Variants in KCNIP4 observed in about 807,000 individuals in gnomAD.
KCNIP4 encodes the protein Kv channel-interacting protein 4.
KCNIP4 carries 12 observed loss-of-function variants against 34.0 expected under a neutral mutation model. The ratio of observed to expected loss-of-function variants is 0.35; its 90% CI spans 0.23 to 0.57. The LOEUF (loss-of-function observed/expected upper bound fraction) is 0.57, where lower values mean the gene tolerates loss of function less well. Ranked by LOEUF, KCNIP4 falls within the 20% of genes least tolerant of loss-of-function variation. KCNIP4 has a pLI of 0.83. For synonymous variants in KCNIP4, 124 were observed against 102.2 expected (o/e 1.21, Z -1.29); for missense variants, 238 against 311.7 (o/e 0.76, Z 1.78).
At chr4:21,446,893 T>C (rs1358031088) in intron 1 of KCNIP4, among the ~76,000 whole-genome samples, 2 of 152,142 alleles carry the variant, frequency 1.3e-5, no homozygotes, top group Non-Finnish European at 2.9e-5. Flanking sequence ...ATACATTCTA[T>C]TGTATGGCTA....
intron 1 of KCNIP4, among the ~76,000 whole-genome samples, chr4:21,104,867 C>G (rs1429195622): frequency 6.6e-6 from 1 of 151,592 alleles, no homozygotes; most frequent in Non-Finnish European, 1.5e-5. Flanking sequence ...TTCCCCATTG[C>G]TTGTTTTTGT....
At chr4:21,938,739 G>T (rs1044378914) in intron 1 of KCNIP4, among the ~76,000 whole-genome samples, 1 of 152,118 alleles carries the variant, frequency 6.6e-6, no homozygotes, top group Non-Finnish European at 1.5e-5. Context: ...TATTTAGCAC[G>T]TGGCTTTGAA....
At chr4:21,037,009 T>C (rs975308616) in intron 1 of KCNIP4, among the ~76,000 whole-genome samples, 1 of 151,756 alleles carries the variant, frequency 6.6e-6, no homozygotes, top group Non-Finnish European at 1.5e-5. Flanking sequence ...CAAAACTCTT[T>C]AAAAGTAAAA....
At chr4:21,259,845 C>T (rs545219618) in intron 1 of KCNIP4, among the ~76,000 whole-genome samples, 1 of 151,364 alleles carries the variant, frequency 6.6e-6, no homozygotes, top group African/African-American at 2.4e-5. Context: ...TCAAAGGGAA[C>T]ACTATCCTGC....
intron 1 of KCNIP4, among the ~76,000 whole-genome samples, chr4:21,925,453 C>T (rs576123298): frequency 2.6e-5 from 4 of 151,808 alleles, no homozygotes; most frequent in South Asian, 2.1e-4. Flanking sequence ...ATGGTGTATA[C>T]GTGCCACATT....
chr4:21,128,505 C>T (rs755200943), intron 1 of KCNIP4, among the ~76,000 whole-genome samples: 45 of 152,112 alleles, frequency 3.0e-4, no homozygotes, highest in Non-Finnish European at 6.2e-4. Flanking sequence ...GATGCTATTC[C>T]CTGAAATGGT....
intron 1 of KCNIP4, among the ~76,000 whole-genome samples, chr4:21,592,256 T>A (rs1203699457): frequency 6.6e-6 from 1 of 151,926 alleles, no homozygotes; most frequent in Non-Finnish European, 1.5e-5. Context: ...AAGAGAAGAG[T>A]ATTTATTCTT....
chr4:21,883,466 TG>T (rs1034899289), intron 1 of KCNIP4, among the ~76,000 whole-genome samples: 51 of 152,152 alleles, frequency 3.4e-4, no homozygotes, highest in African/African-American at 1.2e-3. Flanking sequence ...TTTTTAAAGT[TG>T]GGGAGAGTTA....
At chr4:21,854,194 C>T (rs567556133) in intron 1 of KCNIP4, among the ~76,000 whole-genome samples, 3 of 152,208 alleles carry the variant, frequency 2.0e-5, no homozygotes, top group Admixed American at 6.5e-5. Flanking sequence ...GATGATAAAA[C>T]GGTAAGTATC....
intron 1 of KCNIP4, among the ~76,000 whole-genome samples, chr4:21,348,475 A>G (rs556723573): frequency 2.0e-5 from 3 of 152,296 alleles, no homozygotes; most frequent in African/African-American, 7.2e-5. Context: ...CATTCTGTTT[A>G]GCAGTTCCAT....
chr4:20,913,119 G>T (rs1270663028), intron 1 of KCNIP4, among the ~76,000 whole-genome samples: 4 of 151,900 alleles, frequency 2.6e-5, no homozygotes, highest in Non-Finnish European at 5.9e-5. Flanking sequence ...CCAAAAGGTG[G>T]AAACAACCAC....
intron 1 of KCNIP4, among the ~76,000 whole-genome samples, chr4:21,941,952 G>T (rs763838549): frequency 6.6e-6 from 1 of 152,054 alleles, no homozygotes; most frequent in East Asian, 1.9e-4. Flanking sequence ...CTAATGCTAC[G>T]TGCATGTGTG....
chr4:20,833,809 C>A (rs964370356), intron 3 of KCNIP4, among the ~76,000 whole-genome samples: 2 of 152,122 alleles, frequency 1.3e-5, no homozygotes. Flanking sequence ...TTTTAGACTC[C>A]GTGCTCATTT....
intron 1 of KCNIP4, among the ~76,000 whole-genome samples, chr4:20,978,031 T>C (rs1735657891): frequency 6.6e-6 from 1 of 152,218 alleles, no homozygotes; most frequent in African/African-American, 2.4e-5. Flanking sequence ...ATTTGTTATA[T>C]TTTGGCAATA....
rs190408106 is a variant in KCNIP4 at position 21,882,593 on chromosome 4, C to T, written c.61+65978G>A. On this transcript the variant is annotated intron_variant, in intron 1 of 8. Coordinates refer to ENST00000382152, the MANE Select transcript of KCNIP4 (RefSeq NM_025221.6). ...GAGGAAAAGCTTGCAGAAGAAGAAA[C>T]GGAAGCATGTAGGAGACCAGACAGA... is the stretch of plus-strand genomic sequence containing the variant. 1.8e-4 allele frequency among the ~76,000 whole-genome samples: 27 copies of T among 152,102 alleles called. No homozygotes were observed. The East Asian group carries it at 3.9e-3, about 22-fold the overall frequency.
At chr4:20,878,607 C>A (rs1373337000) in intron 2 of KCNIP4, among the ~76,000 whole-genome samples, 1 of 152,180 alleles carries the variant, frequency 6.6e-6, no homozygotes, top group Non-Finnish European at 1.5e-5. Flanking sequence ...CCACTCTTCA[C>A]TAGAAAGTGA....
intron 1 of KCNIP4, among the ~76,000 whole-genome samples, chr4:21,340,667 AT>A (rs1716668382): frequency 6.6e-6 from 1 of 151,816 alleles, no homozygotes; most frequent in Non-Finnish European, 1.5e-5. Context: ...CCAGAAAAAC[AT>A]TCTACTCTGA....
chr4:21,837,545 A>AAAAAAAAAAAC (rs1723421506), intron 1 of KCNIP4, among the ~76,000 whole-genome samples: 1 of 137,798 alleles, frequency 7.3e-6, no homozygotes, highest in Non-Finnish European at 1.6e-5. Flanking sequence ...AAAAAAAAAA[A>AAAAAAAAAAAC]AAGAAAAAGA....
intron 1 of KCNIP4, among the ~76,000 whole-genome samples, chr4:21,244,677 T>A (rs985599158): frequency 3.3e-5 from 5 of 152,230 alleles, no homozygotes; most frequent in African/African-American, 1.2e-4. Context: ...ATATTTCTTT[T>A]AATGAATCAT....
Sources: gnomAD v4.1 joint callset for allele counts (sites outside exome capture counted in the v4.1 genomes callset) on GRCh38, gnomAD v4.1.1 for gene constraint, MANE v1.5 for transcripts, NCBI Gene and HGNC (gene_info 2026-07-23, HGNC 2026-07-21) for gene names.